The following KCNIP1 variants were observed in gnomAD, a reference collection of about 807,000 sequenced individuals.
The protein encoded by KCNIP1 is potassium voltage-gated channel interacting protein 1, also known as A-type potassium channel modulatory protein KCNIP1.
Under a neutral mutation model 33.0 loss-of-function variants are expected in KCNIP1, and 18 were observed. That is an observed-to-expected ratio of 0.55 (90% confidence interval 0.38 to 0.81). The LOEUF (loss-of-function observed/expected upper bound fraction) is 0.81, where lower values mean the gene tolerates loss of function less well. Ranked by LOEUF, KCNIP1 falls within the 30% of genes least tolerant of loss-of-function variation. KCNIP1 has a pLI of 0.00. For missense variants in KCNIP1, 238 were observed against 271.6 expected, an observed-to-expected ratio of 0.88 and a Z score of 0.87; for synonymous variants, 93 against 98.3, an observed-to-expected ratio of 0.95 and a Z score of 0.32.
intron 1 of KCNIP1, among the ~76,000 whole-genome samples, chr5:170,646,745 G>T (rs1398519670): frequency 1.3e-5 from 2 of 151,978 alleles, no homozygotes; most frequent in Admixed American, 6.6e-5. Flanking sequence ...AATGCAATGA[G>T]ACAACAAAAG....
chr5:170,466,802 C>A (rs1756618362), intron 1 of KCNIP1, among the ~76,000 whole-genome samples: 2 of 152,170 alleles, frequency 1.3e-5, no homozygotes, highest in African/African-American at 4.8e-5. Context: ...GACTTAATCA[C>A]CTCCCCAAAT....
At chr5:170,366,598 T>C (rs1317962055) in intron 1 of KCNIP1, among the ~76,000 whole-genome samples, 1 of 152,250 alleles carries the variant, frequency 6.6e-6, no homozygotes, top group Non-Finnish European at 1.5e-5. Flanking sequence ...AGTATGTGAC[T>C]GGAAGTCAAG....
intron 1 of KCNIP1, among the ~76,000 whole-genome samples, chr5:170,472,019 TG>T (rs1054883014): frequency 2.0e-5 from 3 of 152,110 alleles, no homozygotes; most frequent in African/African-American, 7.2e-5. Context: ...GAGCTGGGTT[TG>T]GGGAAGCAGT....
chr5:170,456,789 G>A (rs1344966291), intron 1 of KCNIP1, among the ~76,000 whole-genome samples: 2 of 148,802 alleles, frequency 1.3e-5, no homozygotes, highest in Non-Finnish European at 3.0e-5. Flanking sequence ...TGCAATCACA[G>A]CTCACTGCAG....
intron 1 of KCNIP1, among the ~76,000 whole-genome samples, chr5:170,670,200 T>G (rs1001948617): frequency 6.6e-6 from 1 of 152,190 alleles, no homozygotes; most frequent in African/African-American, 2.4e-5. Context: ...AATATTTTCT[T>G]AGTGAATATT....
chr5:170,676,253 A>T (rs543033134), intron 1 of KCNIP1, among the ~76,000 whole-genome samples: 4 of 151,548 alleles, frequency 2.6e-5, no homozygotes, highest in Admixed American at 6.6e-5. Context: ...AGGAAGGGAG[A>T]TATCATTATT....
At chr5:170,386,034 G>A (rs1401330970) in intron 1 of KCNIP1, among the ~76,000 whole-genome samples, 1 of 151,734 alleles carries the variant, frequency 6.6e-6, no homozygotes, top group African/African-American at 2.4e-5. Flanking sequence ...GCTGAGGCAG[G>A]AGAATGGCAT....
At chr5:170,441,567 C>A (rs539553802) in intron 1 of KCNIP1, among the ~76,000 whole-genome samples, 1 of 152,242 alleles carries the variant, frequency 6.6e-6, no homozygotes, top group African/African-American at 2.4e-5. Context: ...GCCCAGGAGG[C>A]AAGAGGCACC....
intron 1 of KCNIP1, among the ~76,000 whole-genome samples, chr5:170,490,860 T>C (rs1757191003): frequency 6.6e-6 from 1 of 152,204 alleles, no homozygotes; most frequent in South Asian, 2.1e-4. Flanking sequence ...TCTGTGAGGC[T>C]GTAGGCCTTG....
At chr5:170,359,180 C>A (rs1763434849) in intron 1 of KCNIP1, among the ~76,000 whole-genome samples, 2 of 152,192 alleles carry the variant, frequency 1.3e-5, no homozygotes, top group Non-Finnish European at 2.9e-5. Context: ...AAGCACCTGC[C>A]AGACACTGAG....
In KCNIP1 at chr5:170,566,182, T is replaced by A. The variant is rs191728735; in HGVS notation, c.61+61549T>A. Among the ~76,000 whole-genome samples the A allele has an allele frequency of 1.9e-3, 284 of 152,248 alleles. 1 individual carries two copies. Among genetic ancestry groups the A allele is most frequent in the African/African-American group, 6.3e-3 (260 of 41,560 alleles). The stretch of plus-strand genomic sequence containing the variant: ...TTCAAGCGATTCTCCCGCCTCAGCC[T>A]CCCGAGTAGCTGGGATTACAGGCAC... On this transcript the variant is annotated intron_variant, in intron 1 of 7. Coordinates refer to ENST00000328939, the MANE Select transcript of KCNIP1 (RefSeq NM_014592.4).
At chr5:170,570,078 G>A (rs913984175) in intron 1 of KCNIP1, among the ~76,000 whole-genome samples, 1 of 152,148 alleles carries the variant, frequency 6.6e-6, no homozygotes, top group Non-Finnish European at 1.5e-5. Flanking sequence ...CTACGATGTC[G>A]TACGTGGCAG....
At chr5:170,688,764 A>C (rs1762624530) in intron 1 of KCNIP1, among the ~76,000 whole-genome samples, 1 of 152,092 alleles carries the variant, frequency 6.6e-6, no homozygotes, top group African/African-American at 2.4e-5. Flanking sequence ...GAGCCCTAAG[A>C]TTTTTCCATG....
At chr5:170,600,586 C>T (rs1229069432) in intron 1 of KCNIP1, among the ~76,000 whole-genome samples, 1 of 152,150 alleles carries the variant, frequency 6.6e-6, no homozygotes, top group Non-Finnish European at 1.5e-5. Flanking sequence ...ACCCTCACAC[C>T]ACACTTCTCA....
rs114986250 is a variant in KCNIP1 at position 170,720,249 on chromosome 5, C to T, written c.187-72C>T. ...GGGGATCATGAGGAACCCCAGACAC[C>T]AAGGCTGGGCCCAGTCTTCTCCTAG... is the stretch of plus-strand genomic sequence containing the variant. On this transcript the variant is annotated intron_variant, in intron 2 of 7. Transcript: ENST00000328939. 1.1e-3 allele frequency: 1,231 copies of T among 1,105,364 alleles called. 7 individuals are homozygous for T. In the African/African-American group the frequency reaches 0.017, roughly 15 times the overall value. The allele number at this position is 1,105,364 out of a possible 1,614,324, so 68.5% of individuals were successfully genotyped here.
At chr5:170,383,766 C>T (rs368445526) in intron 1 of KCNIP1, 9 of 1,614,058 alleles carry the variant, frequency 5.6e-6, no homozygotes, top group South Asian at 1.1e-5. Flanking sequence ...GGCATGGGTA[C>T]TGGGGCACCT....
intron 1 of KCNIP1, among the ~76,000 whole-genome samples, chr5:170,537,377 G>T (rs957145925): frequency 6.6e-6 from 1 of 152,220 alleles, no homozygotes; most frequent in Non-Finnish European, 1.5e-5. Context: ...ACAGTTAAGG[G>T]CATGGACTTG....
intron 1 of KCNIP1, among the ~76,000 whole-genome samples, chr5:170,434,376 T>C (rs1305598106): frequency 6.6e-6 from 1 of 152,160 alleles, no homozygotes; most frequent in Non-Finnish European, 1.5e-5. Flanking sequence ...TCAAGTATTG[T>C]TAATATTATC....
intron 1 of KCNIP1, chr5:170,561,013 G>A: frequency 2.3e-6 from 1 of 438,708 alleles, no homozygotes; most frequent in Non-Finnish European, 4.6e-6. Context: ...TGTGGACAAG[G>A]AGGGCATCCG....
Sources: gnomAD v4.1 joint callset for allele counts (sites outside exome capture counted in the v4.1 genomes callset) on GRCh38, gnomAD v4.1.1 for gene constraint, MANE v1.5 for transcripts, NCBI Gene and HGNC (gene_info 2026-07-23, HGNC 2026-07-21) for gene names.